KCNH5: variants seen among roughly 807,000 people sequenced by gnomAD.
KCNH5 encodes voltage-gated delayed rectifier potassium channel KCNH5.
In KCNH5, 46 loss-of-function variants were observed where a neutral mutation model predicts 96.1. The ratio of observed to expected loss-of-function variants is 0.48; its 90% CI spans 0.38 to 0.61. The LOEUF is 0.61. Ranked by LOEUF, KCNH5 falls within the 20% of genes least tolerant of loss-of-function variation. KCNH5 has a pLI of 0.00. For missense variants in KCNH5, 907 were observed against 1,225.8 expected, an observed-to-expected ratio of 0.74 and a Z score of 3.88; for synonymous variants, 439 against 449.8, an observed-to-expected ratio of 0.98 and a Z score of 0.30.
intron 10 of KCNH5, among the ~76,000 whole-genome samples, chr14:62,737,259 A>G (rs1885177952): frequency 1.3e-5 from 2 of 152,180 alleles, no homozygotes; most frequent in Non-Finnish European, 2.9e-5. Flanking sequence ...GGCTTTGTTT[A>G]CTGATGCACC....
intron 7 of KCNH5, among the ~76,000 whole-genome samples, chr14:62,897,451 G>A (rs1181015981): frequency 6.6e-6 from 1 of 152,106 alleles, no homozygotes; most frequent in African/African-American, 2.4e-5. Flanking sequence ...GTAACAAAGA[G>A]AAGAATGAAA....
intron 7 of KCNH5, among the ~76,000 whole-genome samples, chr14:62,851,135 A>T (rs539240471): frequency 2.6e-4 from 40 of 152,252 alleles, no homozygotes; most frequent in Non-Finnish European, 4.9e-4. Context: ...CTATTATTTT[A>T]AAAAAATGGA....
At chr14:63,028,788 C>T (rs5010672) in intron 1 of KCNH5, among the ~76,000 whole-genome samples, 36,170 of 151,872 alleles carry the variant, frequency 0.24, 5,514 homozygotes, top group East Asian at 0.51. Context: ...TCTCTTCAAT[C>T]CCATTTTTCA....
chr14:62,871,192 C>A (rs543638425), intron 7 of KCNH5, among the ~76,000 whole-genome samples: 2 of 152,218 alleles, frequency 1.3e-5, no homozygotes, highest in South Asian at 2.1e-4. Context: ...TTGTGAGATG[C>A]TAAAATACAA....
Position 63,001,458 on chromosome 14 carries a change from T to C in KCNH5, c.306A>G (p.Arg102=), listed in dbSNP as rs1425349313. Residue 102 remains arginine (R), a splice_region_variant and synonymous_variant, in exon 4 of 11, where the codon AGA becomes AGG. Transcript: ENST00000322893. ...TTTGCATATAAAACCAAACAGGGGT[T>C]CCTGTAACAGAAAGAAGTTGGGGAA... is the stretch of plus-strand genomic sequence containing the variant. ...CFEVLLYKKN[R]TPVWFYMQIA... is the part of the protein sequence containing the mutation. The C allele has an allele frequency of 6.2e-7, 1 of 1,609,152 alleles. No homozygotes were observed.
At chr14:62,981,487 G>A in intron 5 of KCNH5, among the ~76,000 whole-genome samples, 1 of 152,316 alleles carries the variant, frequency 6.6e-6, no homozygotes, top group East Asian at 1.9e-4. Context: ...CTCTGATGCA[G>A]TAGCCAACAC....
In KCNH5 at chr14:62,721,303, T is replaced by C. The variant is rs1453617240; in HGVS notation, c.2020-12848A>G. Among the ~76,000 whole-genome samples the C allele has an allele frequency of 7.9e-5, 12 of 152,216 alleles. 1 individual carries two copies. ...GCTTTTGGGCTAATAGAAAAAAGAT[T>C]TTTAAAGATCAAACTTGTGGTTTCT... On this transcript the variant is annotated intron_variant, in intron 10 of 10. Coordinates refer to ENST00000322893, the MANE Select transcript of KCNH5 (RefSeq NM_139318.5).
In KCNH5 at chr14:62,702,242, A is replaced by T. The variant is rs1884359619; in HGVS notation, c.*5266T>A. ...AGTAAAGGAAAATTCCACTGTTGGG[A>T]CAGGGCACCTTTTGCTTAAGACAGT... On this transcript the variant is annotated 3_prime_UTR_variant, in exon 11 of 11. Coordinates refer to ENST00000322893, the MANE Select transcript of KCNH5 (RefSeq NM_139318.5). The T allele has an allele frequency of 6.6e-6, 1 of 152,074 alleles. No homozygotes were observed. Among genetic ancestry groups the T allele is most frequent in the African/African-American group, 2.4e-5 (1 of 41,454 alleles). 9.4% of individuals were successfully genotyped at this position (152,074 alleles called of 1,614,324 possible).
chr14:62,874,942 C>T lies in KCNH5; in HGVS notation c.1370-25090G>A, dbSNP rs1257594363. 4.5e-3 allele frequency among the ~76,000 whole-genome samples: 548 copies of T among 122,638 alleles called. 2 individuals carry two copies. The highest frequency in any genetic ancestry group is 0.011 in the South Asian group (43 of 3,828). The allele number at this position is 122,638 out of a possible 152,430, so 80.5% of individuals were successfully genotyped here. A position where few individuals can be genotyped will look rare whatever the true frequency, so the allele number is the denominator to read the frequency against. On this transcript the variant is annotated intron_variant, in intron 7 of 10. Coordinates refer to ENST00000322893, the MANE Select transcript of KCNH5 (RefSeq NM_139318.5). ...GACATCATTGTATATCTAGAAAACC[C>T]CATCGTCTCAGCCCAAAATCTCCTT...
chr14:63,006,878 C>T (rs147451983), intron 2 of KCNH5, among the ~76,000 whole-genome samples: 20 of 152,338 alleles, frequency 1.3e-4, no homozygotes, highest in Admixed American at 6.5e-4. Flanking sequence ...GGCTGTTACT[C>T]AGTTCACGCA....
intron 7 of KCNH5, among the ~76,000 whole-genome samples, chr14:62,903,320 T>TA (rs1283704481): frequency 6.6e-6 from 1 of 152,120 alleles, no homozygotes; most frequent in East Asian, 1.9e-4. Flanking sequence ...TGTATTATGC[T>TA]AAAAATCTCA....
At chr14:63,031,168 G>C (rs574881174) in intron 1 of KCNH5, among the ~76,000 whole-genome samples, 38 of 151,910 alleles carry the variant, frequency 2.5e-4, no homozygotes, top group South Asian at 2.1e-3. Context: ...ACAGGACCAG[G>C]CCTCCCTGTC....
At chr14:62,887,638 C>G (rs765217833) in intron 7 of KCNH5, among the ~76,000 whole-genome samples, 1 of 151,872 alleles carries the variant, frequency 6.6e-6, no homozygotes, top group African/African-American at 2.4e-5. Context: ...AGCCTTGAAG[C>G]TGGGGTCAGA....
At chr14:62,933,773 G>A (rs1240790815) in intron 7 of KCNH5, among the ~76,000 whole-genome samples, 2 of 151,934 alleles carry the variant, frequency 1.3e-5, no homozygotes, top group Non-Finnish European at 2.9e-5. Flanking sequence ...GTATTACCTC[G>A]ATCTAAAAAT....
In KCNH5 at chr14:62,747,567, CAGGATGAGCTT is replaced by C. The variant is rs566320118; in HGVS notation, c.2019+32150_2019+32160del. ...TCTCAGCCAAATGATAGATATAATT[CAGGATGAGCTT>C]AGAACCTGTAGTTAAAGTGCAAGCT... On this transcript the variant is annotated intron_variant, in intron 10 of 10. Coordinates refer to ENST00000322893, the MANE Select transcript of KCNH5 (RefSeq NM_139318.5). 1.1e-3 allele frequency among the ~76,000 whole-genome samples: 175 copies of C among 152,270 alleles called. 1 individual carries two copies. The highest frequency in any genetic ancestry group is 3.8e-3 in the African/African-American group (157 of 41,538).
In KCNH5 at chr14:62,750,254, C is replaced by T. The variant is rs773137775; in HGVS notation, c.2019+29474G>A. Among the ~76,000 whole-genome samples, 44 of 152,216 alleles carry T rather than the reference C, an allele frequency of 2.9e-4. No homozygotes were observed. The Middle Eastern group carries it at 0.014, about 47-fold the overall frequency. On this transcript the variant is annotated intron_variant, in intron 10 of 10. Coordinates refer to ENST00000322893, the MANE Select transcript of KCNH5 (RefSeq NM_139318.5). ...TAAGTAAGCCTTTACGTATAAAAAG[C>T]TTTTTTCCTATAAAAAGACATTAAG...
intron 1 of KCNH5, among the ~76,000 whole-genome samples, chr14:63,024,041 C>G (rs1198525360): frequency 6.6e-6 from 1 of 151,944 alleles, no homozygotes; most frequent in African/African-American, 2.4e-5. Flanking sequence ...AACCCTGTCT[C>G]TACTAAAAAA....
chr14:62,912,873 G>T (rs757008635), intron 7 of KCNH5, among the ~76,000 whole-genome samples: 3 of 152,160 alleles, frequency 2.0e-5, no homozygotes, highest in African/African-American at 7.2e-5. Context: ...AGGCAGTAAG[G>T]TATAGTCCCT....
At chr14:62,925,605 A>T (rs1889459794) in intron 7 of KCNH5, among the ~76,000 whole-genome samples, 2 of 152,066 alleles carry the variant, frequency 1.3e-5, no homozygotes, top group South Asian at 2.1e-4. Flanking sequence ...ATAAAATATT[A>T]ACCAACCCCA....
Sources: gnomAD v4.1 joint callset for allele counts (sites outside exome capture counted in the v4.1 genomes callset) on GRCh38, gnomAD v4.1.1 for gene constraint, MANE v1.5 for transcripts, NCBI Gene and HGNC (gene_info 2026-07-23, HGNC 2026-07-21) for gene names.